SORBS2: variants seen among roughly 807,000 people sequenced by gnomAD.
The protein encoded by SORBS2 is sorbin and SH3 domain-containing protein 2.
SORBS2 carries 46 observed loss-of-function variants against 97.7 expected under a neutral mutation model. The ratio of observed to expected loss-of-function variants is 0.47; its 90% CI spans 0.37 to 0.60. The LOEUF is 0.60. SORBS2 is among the 20% of genes least tolerant of loss of function. The probability of loss-of-function intolerance (pLI) is 0.00; values close to 1 mark genes in which losing one functional copy is unlikely to be tolerated. For synonymous variants in SORBS2, 476 were observed against 473.4 expected, an observed-to-expected ratio of 1.01 and a Z score of -0.07; for missense variants, 1,316 against 1,282.3, an observed-to-expected ratio of 1.03 and a Z score of -0.40.
intron 1 of SORBS2, among the ~76,000 whole-genome samples, chr4:185,924,299 T>C (rs1402250972): frequency 1.3e-5 from 2 of 152,154 alleles, no homozygotes; most frequent in African/African-American, 4.8e-5. Flanking sequence ...GGAGCCTGCC[T>C]TAGAAGTTTG....
chr4:185,811,629 T>C (rs2099185955), intron 1 of SORBS2, 35 bp downstream of exon 1: 1 of 152,226 alleles, frequency 6.6e-6, no homozygotes, highest in Admixed American at 6.5e-5. Context: ...CAGTTATTTT[T>C]ATGCTGTGCT....
At chr4:185,899,952 G>T (rs1036697744) in intron 1 of SORBS2, among the ~76,000 whole-genome samples, 1 of 152,114 alleles carries the variant, frequency 6.6e-6, no homozygotes, top group East Asian at 1.9e-4. Flanking sequence ...AGAGGCAACG[G>T]CACTAGAAAG....
At chr4:185,791,333 G>T (rs1479849523) in intron 1 of SORBS2, among the ~76,000 whole-genome samples, 1 of 152,130 alleles carries the variant, frequency 6.6e-6, no homozygotes, top group Non-Finnish European at 1.5e-5. Context: ...ACTCATGTTT[G>T]TGAGCTGGGC....
chr4:185,637,861 A>C lies in SORBS2; in HGVS notation c.397-7263T>G, dbSNP rs534811600. On this transcript the variant is annotated intron_variant, in intron 4 of 14. Transcript: ENST00000418609. ...CTTGTAATGAATTAGATGTAAAGAAATCTTAATGAATGACCTACAAACCAC... is the reference window on the plus strand; with the variant it reads ...CTTGTAATGAATTAGATGTAAAGAACTCTTAATGAATGACCTACAAACCAC... 1.1e-4 allele frequency among the ~76,000 whole-genome samples: 16 copies of C among 152,262 alleles called. No individual in the cohort carries two copies. In the East Asian group the frequency reaches 2.9e-3, roughly 28 times the overall value.
chr4:185,884,302 A>G (rs753857029), intron 1 of SORBS2, among the ~76,000 whole-genome samples: 29 of 152,190 alleles, frequency 1.9e-4, no homozygotes, highest in Non-Finnish European at 2.9e-4. Context: ...CATAAATATT[A>G]ATCTTTAAAT....
chr4:185,763,737 T>C (rs2098918060), intron 2 of SORBS2, among the ~76,000 whole-genome samples: 1 of 152,198 alleles, frequency 6.6e-6, no homozygotes, highest in African/African-American at 2.4e-5. Flanking sequence ...TGATTTAAAA[T>C]TATAAAGACT....
At chr4:185,615,913 A>G (rs1232186442) in intron 9 of SORBS2, among the ~76,000 whole-genome samples, 2 of 152,192 alleles carry the variant, frequency 1.3e-5, no homozygotes, top group East Asian at 3.8e-4. Flanking sequence ...GGGTATTTAT[A>G]ATTTTAAGTT....
intron 2 of SORBS2, among the ~76,000 whole-genome samples, chr4:185,760,717 G>A (rs2098878643): frequency 6.6e-6 from 1 of 152,192 alleles, no homozygotes; most frequent in Admixed American, 6.5e-5. Context: ...TCACAAATAC[G>A]AGTTCATGAA....
chr4:185,673,647 A>C (rs1582434058), intron 4 of SORBS2, among the ~76,000 whole-genome samples: 1 of 152,296 alleles, frequency 6.6e-6, no homozygotes, highest in East Asian at 1.9e-4. Context: ...GGTTGCTATC[A>C]TTGTCCCTGT....
chr4:185,683,310 T>C (rs533328108), intron 2 of SORBS2, among the ~76,000 whole-genome samples: 4 of 152,204 alleles, frequency 2.6e-5, no homozygotes, highest in Non-Finnish European at 4.4e-5. Context: ...TGCATGTAGT[T>C]CAGTTTCGAC....
chr4:185,773,942 A>AG (rs1245999941), intron 2 of SORBS2: 6 of 78,558 alleles, frequency 7.6e-5, no homozygotes, highest in Non-Finnish European at 1.1e-4. Context: ...CTGGCTACTA[A>AG]GGTTTTTTTT....
chr4:185,893,048 C>A (rs1357450829), intron 1 of SORBS2, among the ~76,000 whole-genome samples: 1 of 151,952 alleles, frequency 6.6e-6, no homozygotes, highest in Non-Finnish European at 1.5e-5. Flanking sequence ...ACTCCGATTA[C>A]TATTGAGAGC....
intron 2 of SORBS2, among the ~76,000 whole-genome samples, chr4:185,679,501 G>C (rs2097842530): frequency 6.6e-6 from 1 of 152,164 alleles, no homozygotes; most frequent in South Asian, 2.1e-4. Flanking sequence ...TGATATATTT[G>C]TTATCAATTT....
intron 2 of SORBS2, among the ~76,000 whole-genome samples, chr4:185,759,254 T>C (rs1428813290): frequency 6.6e-6 from 1 of 152,234 alleles, no homozygotes; most frequent in African/African-American, 2.4e-5. Flanking sequence ...GCGTTAAAAA[T>C]GATTTCTGCC....
At chr4:185,786,587 A>T (rs1217817906) in intron 1 of SORBS2, among the ~76,000 whole-genome samples, 3 of 151,634 alleles carry the variant, frequency 2.0e-5, no homozygotes, top group African/African-American at 7.3e-5. Flanking sequence ...AGCTGATCTC[A>T]AGGCGTGGCT....
At chr4:185,806,434 C>CTCTTT (rs2099153884) in intron 1 of SORBS2, among the ~76,000 whole-genome samples, 1 of 108,110 alleles carries the variant, frequency 9.2e-6, no homozygotes, top group African/African-American at 3.7e-5. Context: ...GGCTAGAATC[C>CTCTTT]TATTTTTTTT....
intron 4 of SORBS2, chr4:185,675,008 ACT>A (rs1452343338): frequency 6.6e-6 from 1 of 152,146 alleles, no homozygotes; most frequent in East Asian, 1.9e-4. Flanking sequence ...TTCAAATCCA[ACT>A]CTGTTACTAG....
At chr4:185,736,105 A>T (rs760987252) in intron 2 of SORBS2, among the ~76,000 whole-genome samples, 1 of 152,202 alleles carries the variant, frequency 6.6e-6, no homozygotes, top group Non-Finnish European at 1.5e-5. Flanking sequence ...TGGCTCAGAC[A>T]CACTCTCCAC....
rs775209042 is a variant in SORBS2 at position 185,874,866 on chromosome 4, T to TTTTTTTTTTTTTTTTTTTTGC, written c.-338+81329_-338+81330insGCAAAAAAAAAAAAAAAAAAA. Among the ~76,000 whole-genome samples the TTTTTTTTTTTTTTTTTTTTGC allele has an allele frequency of 1.4e-3, 155 of 113,424 alleles. 3 individuals are homozygous for TTTTTTTTTTTTTTTTTTTTGC. Among genetic ancestry groups the TTTTTTTTTTTTTTTTTTTTGC allele is most frequent in the African/African-American group, 4.1e-3 (145 of 35,332 alleles). The allele number at this position is 113,424 out of a possible 152,430, so 74.4% of individuals were successfully genotyped here. ...GGTTTTACCTTACCCTGATTTTTTTTTTTTTTGCATGCTACAGTATATTGT... is the reference window on the plus strand; with the variant it reads ...GGTTTTACCTTACCCTGATTTTTTTTTTTTTTTTTTTTTTTTTTTGCTTTTTTGCATGCTACAGTATATTGT... On this transcript the variant is annotated intron_variant, in intron 1 of 20. Coordinates refer to the SORBS2 transcript ENST00000284776.
Sources: allele counts gnomAD v4.1 joint callset (sites outside exome capture counted in the v4.1 genomes callset), GRCh38; gene constraint gnomAD v4.1.1; transcripts MANE v1.5; gene names NCBI Gene and HGNC (gene_info 2026-07-23, HGNC 2026-07-21).